Variants in CFAP47 observed in about 807,000 individuals in gnomAD.
The protein encoded by CFAP47 is cilia and flagella associated protein 47.
In CFAP47, 29 loss-of-function variants were observed where a neutral mutation model predicts 148.1. That is an observed-to-expected ratio of 0.20 (90% CI 0.15 to 0.27). CFAP47 has a LOEUF of 0.27. Ranked by LOEUF, CFAP47 falls within the 10% of genes least tolerant of loss-of-function variation. The pLI is 1.00. For missense variants in CFAP47, 1,872 were observed against 1,697.5 expected, an observed-to-expected ratio of 1.10 and a Z score of -1.81; for synonymous variants, 664 against 577.3, an observed-to-expected ratio of 1.15 and a Z score of -2.15.
chrX:36,209,664 AT>A (rs1465805378), intron 45 of CFAP47, among the ~76,000 whole-genome samples: 6 of 111,638 alleles, frequency 5.4e-5, no homozygotes, highest in African/African-American at 2.0e-4. Flanking sequence ...CAAGTAAAAA[AT>A]AAAAGGATAT....
At chrX:36,127,662 G>A (rs1268571017) in intron 33 of CFAP47, among the ~76,000 whole-genome samples, 14 of 111,241 alleles carry the variant, frequency 1.3e-4, no homozygotes, top group Non-Finnish European at 1.9e-4. Context: ...GGGTGGCATC[G>A]AATCTGTAAA....
At chrX:36,125,003 G>T (rs1402448292) in intron 33 of CFAP47, among the ~76,000 whole-genome samples, 2 of 111,312 alleles carry the variant, frequency 1.8e-5, no homozygotes, top group African/African-American at 6.5e-5. Flanking sequence ...TATTACTTCA[G>T]TCAGTAAATA....
At chrX:36,162,671 T>G (rs148724206) in intron 39 of CFAP47, among the ~76,000 whole-genome samples, 2,708 of 111,804 alleles carry the variant, frequency 0.024, 33 homozygotes, top group Non-Finnish European at 0.04. Flanking sequence ...TTAACAGAGA[T>G]AGGATTAGCT....
rs188870311 is a variant in CFAP47, at chrX:36,120,026, C to T, written c.5320+15335C>T. On this transcript the variant is annotated intron_variant, in intron 33 of 63. Transcript: ENST00000378653. ...TTTTTTTTTTTTTGATATGGAATCT[C>T]GCTCTGTTGCCCAGGCTGGAGTGCA... 1.7e-3 allele frequency among the ~76,000 whole-genome samples: 181 copies of T among 105,578 alleles called. 5 individuals carry two copies. In the East Asian group the frequency reaches 0.02, roughly 11 times the overall value. The allele number at this position is 105,578 out of a possible 115,157, so 91.7% of individuals were successfully genotyped here.
chrX:35,947,490 T>C (rs749077227), intron 3 of CFAP47, among the ~76,000 whole-genome samples: 1 of 109,621 alleles, frequency 9.1e-6, no homozygotes, highest in South Asian at 4.0e-4. Flanking sequence ...GTGGGTGTAA[T>C]TGATAGCATG....
chrX:36,370,911 G>C (rs1217189160), intron 62 of CFAP47, among the ~76,000 whole-genome samples: 1 of 111,216 alleles, frequency 9.0e-6, no homozygotes, highest in Admixed American at 9.6e-5. Context: ...GGCATACAAG[G>C]AGAGGAAAGA....
chrX:36,356,732 A>G (rs1287679467), intron 60 of CFAP47, among the ~76,000 whole-genome samples: 1 of 111,504 alleles, frequency 9.0e-6, no homozygotes, highest in African/African-American at 3.3e-5. Context: ...TTGACCATGC[A>G]GTCTTGTACT....
At chrX:35,957,679 C>T (rs897835021) in intron 8 of CFAP47, among the ~76,000 whole-genome samples, 1 of 111,926 alleles carries the variant, frequency 8.9e-6, no homozygotes, top group Non-Finnish European at 1.9e-5. Context: ...ATGCATCTTT[C>T]AAAACATATC....
chrX:36,314,267 A>G (rs903939597), intron 56 of CFAP47, among the ~76,000 whole-genome samples: 11 of 111,462 alleles, frequency 9.9e-5, no homozygotes, highest in Non-Finnish European at 1.9e-5. Context: ...CTGTCTGTGT[A>G]GTGATGGAAG....
intron 4 of CFAP47, among the ~76,000 whole-genome samples, chrX:35,948,995 A>G (rs780188515): frequency 9.9e-5 from 11 of 110,953 alleles, no homozygotes; most frequent in Non-Finnish European, 1.7e-4. Flanking sequence ...AGAAAAACCA[A>G]ATGGAATGTC....
intron 48 of CFAP47, among the ~76,000 whole-genome samples, chrX:36,247,986 T>G (rs1292490557): frequency 2.7e-5 from 3 of 110,294 alleles, no homozygotes; most frequent in Admixed American, 2.0e-4. Context: ...AGAGCCAAAG[T>G]GGCTGGAGTA....
At chrX:36,067,724 A>G (rs1189196802) in intron 27 of CFAP47, among the ~76,000 whole-genome samples, 3 of 101,376 alleles carry the variant, frequency 3.0e-5, no homozygotes, top group Non-Finnish European at 3.9e-5. Context: ...GTGCAGTGGC[A>G]TGATCTTGGC....
chrX:36,374,957 G>T, intron 62 of CFAP47: 1 of 519,004 alleles, frequency 1.9e-6, no homozygotes, highest in Non-Finnish European at 3.5e-6. Context: ...TCAAATCTGG[G>T]CTGATCACTC....
intron 57 of CFAP47, among the ~76,000 whole-genome samples, chrX:36,344,247 AAG>A (rs1941677937): frequency 1.0e-5 from 1 of 98,959 alleles, no homozygotes; most frequent in East Asian, 2.9e-4. Context: ...AAGAAAAAAA[AAG>A]AGAGAAAGAA....
intron 15 of CFAP47, among the ~76,000 whole-genome samples, chrX:35,985,777 G>C (rs1323464548): frequency 9.0e-6 from 1 of 111,599 alleles, no homozygotes; most frequent in Non-Finnish European, 1.9e-5. Context: ...AATTATTCTA[G>C]AGGATCACTG....
At chrX:36,169,799 C>T (rs920807582) in intron 39 of CFAP47, among the ~76,000 whole-genome samples, 2 of 111,454 alleles carry the variant, frequency 1.8e-5, no homozygotes, top group Non-Finnish European at 3.8e-5. Flanking sequence ...TTGTTTGACC[C>T]AACTGCTGCA....
intron 49 of CFAP47, among the ~76,000 whole-genome samples, chrX:36,260,193 T>A (rs2146929437): frequency 8.9e-6 from 1 of 111,779 alleles, no homozygotes; most frequent in African/African-American, 3.3e-5. Flanking sequence ...ATAAACAATA[T>A]GAGCACATAA....
At chrX:36,235,609 C>T (rs28625051) in intron 46 of CFAP47, among the ~76,000 whole-genome samples, 23,959 of 111,852 alleles carry the variant, frequency 0.21, 4,463 homozygotes, top group African/African-American at 0.62. Flanking sequence ...GGCTCACACA[C>T]GGTGCGCTGC....
At chrX:36,004,326 C>G (rs1257580429) in intron 21 of CFAP47, among the ~76,000 whole-genome samples, 1 of 111,006 alleles carries the variant, frequency 9.0e-6, no homozygotes, top group South Asian at 3.8e-4. Flanking sequence ...AGAGCCAAAT[C>G]AGGAAGGCAA....
Sources: allele counts gnomAD v4.1 joint callset (sites outside exome capture counted in the v4.1 genomes callset), GRCh38; gene constraint gnomAD v4.1.1; transcripts MANE v1.5; gene names NCBI Gene and HGNC (gene_info 2026-07-23, HGNC 2026-07-21).